UBA7: variants seen among roughly 807,000 people sequenced by gnomAD.
UBA7 encodes the protein ubiquitin like modifier activating enzyme 7.
A neutral mutation model predicts 113.0 loss-of-function variants in UBA7; 88 were observed. That is an observed-to-expected ratio of 0.78 (90% CI 0.66 to 0.93). UBA7 has a LOEUF of 0.93. UBA7 is among the 40% of genes least tolerant of loss of function. The pLI is 0.00. For missense variants in UBA7, 1,092 were observed against 1,266.4 expected, an observed-to-expected ratio of 0.86 and a Z score of 2.09; for synonymous variants, 459 against 513.0, an observed-to-expected ratio of 0.89 and a Z score of 1.42.
At position 49,805,568 on chromosome 3, in the gene UBA7, G is replaced by A. The variant is rs1559430400; in HGVS notation, c.2910-131C>T. The A allele has an allele frequency of 8.4e-6, 7 of 832,650 alleles. No individual in the cohort carries two copies. In the East Asian group the frequency reaches 1.6e-4, roughly 19 times the overall value. 51.6% of individuals were successfully genotyped at this position (832,650 alleles called of 1,614,324 possible). A position where few individuals can be genotyped will look rare whatever the true frequency, so the allele number is the denominator to read the frequency against. On this transcript the variant is annotated intron_variant, in intron 23 of 23. Transcript: ENST00000333486. ...CCAGGAGCAGGAGCTGCTCAAGACA[G>A]GAAACATCTGAAACTATTTTAGGAG... is the stretch of plus-strand genomic sequence containing the variant.
Position 49,809,446 on chromosome 3 carries a change from G to C in UBA7, c.2107C>G (p.Pro703Ala). The C allele has an allele frequency of 6.2e-7, 1 of 1,614,186 alleles. No homozygotes were observed. The highest frequency in any genetic ancestry group is 8.5e-7 in the Non-Finnish European group (1 of 1,180,028). Reference protein sequence around the residue: ...PPNKVLEDGTPFWSGPKQCPQ... With the variant: ...PPNKVLEDGTAFWSGPKQCPQ... ...CACTGTTTGGGACCTGACCAGAAGG[G>C]AGTTCCATCCTCAAGCACCTAGGTA... is the stretch of plus-strand genomic sequence containing the variant. The change falls in exon 17 of 24, where the codon CCC becomes GCC. Residue 703 changes from proline (P) to alanine (A), a missense_variant. Around this residue, in one of 3 missense-constraint regions of UBA7, gnomAD observed 500 missense variants for 529.3 expected, o/e 0.94. Coordinates refer to ENST00000333486, the MANE Select transcript of UBA7 (RefSeq NM_003335.3).
rs1575369288 is a variant in UBA7 at position 49,807,717 on chromosome 3, T to G, written c.2715+19A>C. ...AACCCAGGCCTAGTAGGGCTAAGGGTGGGGTATCATGGGCTCACCGTCTGG... is the reference window on the plus strand; with the variant it reads ...AACCCAGGCCTAGTAGGGCTAAGGGGGGGGTATCATGGGCTCACCGTCTGG... On this transcript the variant is annotated intron_variant, in intron 21 of 23. Transcript: ENST00000333486. The surrounding 1 kb of genome is among the most constrained non-coding windows in gnomAD (Gnocchi z 4.0). The G allele has an allele frequency of 6.3e-7, 1 of 1,586,544 alleles. No homozygotes were observed. The highest frequency in any genetic ancestry group is 1.4e-5 in the African/African-American group (1 of 73,908).
Position 49,805,956 on chromosome 3 carries a change from T to C in UBA7, c.2850A>G (p.Ser950=). Residue 950 remains serine (S), a synonymous_variant, in exon 23 of 24, where the codon TCA becomes TCG. Transcript: ENST00000333486. ...GLRVRILLHG[S]ALLYAAGWSP... is the part of the protein sequence containing the mutation. ...ACCATCCGGCCGCATAGAGCAGGGC[T>C]GAGCCGTGCAGCAGGATCCTCACCC... 1 of 1,566,040 alleles carries C rather than the reference T, an allele frequency of 6.4e-7. No homozygotes were observed. The highest frequency in any genetic ancestry group is 8.7e-7 in the Non-Finnish European group (1 of 1,155,246).
Position 49,813,770 on chromosome 3 carries a change from A to G in UBA7, c.18T>C (p.Ala6=). 3 of 1,614,168 alleles carry G rather than the reference A, an allele frequency of 1.9e-6. No individual in the cohort carries two copies. Among genetic ancestry groups the G allele is most frequent in the Non-Finnish European group, 2.5e-6 (3 of 1,180,000 alleles). ...ACAGCTCCTCATCCAGTAGCTTCGA[A>G]GCGTCCAGGGCATCCATCCTCAAAC... MDALD[A]SKLLDEELYS... is the part of the protein sequence containing the mutation. Residue 6 remains alanine, a synonymous_variant, in exon 1 of 24, where the codon GCT becomes GCC. Transcript: ENST00000333486.
chr3:49,811,619 T>C (rs1173732791), intron 8 of UBA7, 164 bp from the exon 9 acceptor site: 5 of 1,158,270 alleles, frequency 4.3e-6, no homozygotes, highest in Non-Finnish European at 6.0e-6. Flanking sequence ...CACCAGAGGA[T>C]GCCCAGTACC....
chr3:49,805,920 C>G lies in UBA7; in HGVS notation c.2886G>C (p.Lys962Asn), dbSNP rs529264972. 1.3e-6 allele frequency: 2 copies of G among 1,556,858 alleles called. No homozygotes were observed. Among genetic ancestry groups the G allele is most frequent in the Non-Finnish European group, 1.7e-6 (2 of 1,150,160 alleles). Residue 962 changes from lysine (K) to asparagine (N), a missense_variant, in exon 23 of 24, where the codon AAG (lysine) becomes AAC (asparagine). Lys to Asn is a moderately conservative substitution (Grantham distance 94). Coordinates refer to ENST00000333486, the MANE Select transcript of UBA7 (RefSeq NM_003335.3). ...ACCTGAGGGGCAGGTGCTGGGCCTG[C>G]TTTTCAGGTGACCATCCGGCCGCAT... ...LLYAAGWSPE[K>N]QAQHLPLRVT...
At position 49,812,538 on chromosome 3, in the gene UBA7, G is replaced by A. The variant is rs765403838; in HGVS notation, c.564C>T (p.Ser188=). 4 of 1,614,190 alleles carry A rather than the reference G, an allele frequency of 2.5e-6. No individual in the cohort carries two copies. Among genetic ancestry groups the A allele is most frequent in the Admixed American group, 3.3e-5 (2 of 60,026 alleles). Residue 188 remains serine (S), a synonymous_variant, in exon 6 of 24, where the codon TCC becomes TCT. Transcript: ENST00000333486. ...TAAIQHISQG[S]PGILTLRKGA... is the part of the protein sequence containing the mutation. Reference sequence around the variant, plus strand: ...CTTTCCTCAGAGTGAGAATGCCAGGGGAGCCCTGGGTAGGAGGAGGCTTGG... The same window carrying A: ...CTTTCCTCAGAGTGAGAATGCCAGGAGAGCCCTGGGTAGGAGGAGGCTTGG...
chr3:49,812,802 T>C, intron 4 of UBA7, 64 bp from the exon 5 acceptor site: 1 of 1,565,422 alleles, frequency 6.4e-7, no homozygotes, highest in Non-Finnish European at 8.8e-7. Flanking sequence ...TAGGGGATAC[T>C]AGGGCAGGGC....
In UBA7 at chr3:49,811,443, T is replaced by A. The variant is rs752281427; in HGVS notation, c.952A>T (p.Thr318Ser). Residue 318 changes from threonine to serine, a missense_variant, in exon 9 of 24, where the codon ACT (threonine) becomes TCT (serine). Around this residue, in one of 3 missense-constraint regions of UBA7, gnomAD observed 584 missense variants for 714.5 expected, o/e 0.82. Coordinates refer to ENST00000333486, the MANE Select transcript of UBA7 (RefSeq NM_003335.3). ...PQPWDPVDAE[T>S]VVGLARDLEP... ...AGGTCCCGGGCCAGGCCCACCACAG[T>A]CTCTGCATCAACCTGTTGGTAGGAC... 7 of 1,578,524 alleles carry A rather than the reference T, an allele frequency of 4.4e-6. No individual in the cohort carries two copies. The Admixed American group carries it at 1.1e-4, about 25-fold the overall frequency.
chr3:49,809,740 G>C lies in UBA7; in HGVS notation c.1905-15C>G. 7 of 1,614,132 alleles carry C rather than the reference G, an allele frequency of 4.3e-6. No individual in the cohort carries two copies. Among genetic ancestry groups the C allele is most frequent in the Non-Finnish European group, 5.9e-6 (7 of 1,180,022 alleles). ...AAGTGTGTGCCCTGCAGAGAGAGGA[G>C]GAAGTGTGAGACTGAGTCCTGCAGA... is the stretch of plus-strand genomic sequence containing the variant. On this transcript the variant is annotated splice_polypyrimidine_tract_variant and intron_variant, in intron 15 of 23. Transcript: ENST00000333486.
rs1281570345 is a variant in UBA7 at position 49,807,927 on chromosome 3, T to A, written c.2524A>T (p.Ser842Cys). 8 of 1,612,394 alleles carry A rather than the reference T, an allele frequency of 5.0e-6. No homozygotes were observed. The Admixed American group carries it at 1.3e-4, about 27-fold the overall frequency. The stretch of plus-strand genomic sequence containing the variant: ...ATAATCTGGCCCACAATTCGCTTGC[T>A]CTGCCAAGGACAAGAGATTTGGTCT... Reference protein sequence around the residue: ...YGIPPVNRAQSKRIVGQIIPA... With the variant: ...YGIPPVNRAQCKRIVGQIIPA... Residue 842 changes from serine to cysteine, a missense_variant and splice_region_variant, in exon 21 of 24, where the codon AGC (serine) becomes TGC (cysteine). Around this residue, in one of 3 missense-constraint regions of UBA7, gnomAD observed 500 missense variants for 529.3 expected, o/e 0.94. Transcript: ENST00000333486. The surrounding 1 kb of genome is among the most constrained non-coding windows in gnomAD (Gnocchi z 4.0).
At position 49,812,146 on chromosome 3, in the gene UBA7, GC is replaced by G. The variant is rs866232492; in HGVS notation, c.754del (p.Ala252LeufsTer11). The G allele has an allele frequency of 6.2e-7, 1 of 1,614,196 alleles. No individual in the cohort carries two copies. On this transcript the variant is annotated frameshift_variant, in exon 7 of 24. Transcript: ENST00000333486. LOFTEE classifies it high-confidence loss of function. ...CTTGGGTCTCTTGACTTCAGTGATA[GC>G]CCCACCACGCAAGTACCGAGAGAAA... ...TTFSRYLRGG[A>X]ITEVKRPKTV...
chr3:49,805,794 G>GT, intron 23 of UBA7, 103 bp downstream of exon 23: 2 of 1,151,804 alleles, frequency 1.7e-6, no homozygotes. Flanking sequence ...TTGGGAAGGT[G>GT]TGAGGGGCCC....
rs1454509263 is a variant in UBA7 at position 49,808,396 on chromosome 3, A to T, written c.2420T>A (p.Met807Lys). The change falls in exon 19 of 24, where the codon ATG (methionine) becomes AAG (lysine). Residue 807 changes from methionine to lysine, a missense_variant. Met to Lys is a moderately conservative substitution (Grantham distance 95). Around this residue, in one of 3 missense-constraint regions of UBA7, gnomAD observed 500 missense variants for 529.3 expected, o/e 0.94. Coordinates refer to ENST00000333486, the MANE Select transcript of UBA7 (RefSeq NM_003335.3). ...WSVGPPLKPL[M>K]FEKDDDSNFH... ...CACTTGGGCACCCACCTTCTCAAAC[A>T]TCAGAGGCTTCAGGGGAGGGCCCAC... 6.2e-7 allele frequency: 1 copy of T among 1,614,112 alleles called. No homozygotes were observed.
chr3:49,806,291 G>C lies in UBA7; in HGVS notation c.2716-126C>G, dbSNP rs968422016. ...AAACAGGAGCCAGGGGGTGGGGGGT[G>C]GGGGGGAGGTGGGATCTGGGCCCAG... On this transcript the variant is annotated intron_variant, in intron 21 of 23. Coordinates refer to ENST00000333486, the MANE Select transcript of UBA7 (RefSeq NM_003335.3). 9.0e-5 allele frequency: 75 copies of C among 830,932 alleles called. 1 individual carries two copies. Among genetic ancestry groups the C allele is most frequent in the Non-Finnish European group, 9.8e-5 (52 of 528,610 alleles). The allele number at this position is 830,932 out of a possible 1,614,324, so 51.5% of individuals were successfully genotyped here. A position where few individuals can be genotyped will look rare whatever the true frequency, so the allele number is the denominator to read the frequency against.
chr3:49,811,724 T>A (rs2081550718), intron 8 of UBA7, 146 bp downstream of exon 8: 1 of 1,402,186 alleles, frequency 7.1e-7, no homozygotes, highest in African/African-American at 1.4e-5. Context: ...GATGTGTGCC[T>A]GGCACTTCCA....
rs1296838160 is a variant in UBA7, at chr3:49,813,473, A to G, written c.225+6T>C. On this transcript the variant is annotated splice_donor_region_variant and intron_variant, in intron 2 of 23. Transcript: ENST00000333486. ...CTGGCAGCCCATAGCCCCCCAGGAC[A>G]CTTACCTGGGCAGCCAGGTCGGACC... 1 of 1,612,700 alleles carries G rather than the reference A, an allele frequency of 6.2e-7. No individual in the cohort carries two copies. Among genetic ancestry groups the G allele is most frequent in the Non-Finnish European group, 8.5e-7 (1 of 1,179,384 alleles).
At chr3:49,811,782 T>C in intron 8 of UBA7, 88 bp downstream of exon 8, 11 of 1,576,294 alleles carry the variant, frequency 7.0e-6, no homozygotes, top group Non-Finnish European at 9.5e-6. Flanking sequence ...AGATCAGACT[T>C]GGATTTGTGA....
rs759949328 is a variant in UBA7, at chr3:49,808,122, C to G, written c.2431-10G>C. The G allele has an allele frequency of 3.3e-5, 54 of 1,613,412 alleles. No homozygotes were observed. Among genetic ancestry groups the G allele is most frequent in the Non-Finnish European group, 3.4e-6 (4 of 1,179,796 alleles). On this transcript the variant is annotated splice_polypyrimidine_tract_variant and intron_variant, in intron 19 of 23. Transcript: ENST00000333486. ...AGTTGCTGTCATCATCCTGTAAGGCCCAAGTCAAAGTAGTGTTAACACTGC... is the reference window on the plus strand; with the variant it reads ...AGTTGCTGTCATCATCCTGTAAGGCGCAAGTCAAAGTAGTGTTAACACTGC...
Sources: gnomAD v4.1 joint callset for allele counts on GRCh38, gnomAD v4.1.1 for gene constraint, gnomAD v4.1.1 regional missense constraint, Gnocchi (gnomAD v3.1) non-coding constraint, MANE v1.5 for transcripts, NCBI Gene and HGNC (gene_info 2026-07-23, HGNC 2026-07-21) for gene names.